The following TGFB1I1 variants were observed in gnomAD, a reference collection of about 807,000 sequenced individuals.
TGFB1I1 encodes the protein transforming growth factor beta 1 induced transcript 1, also known as transforming growth factor beta-1-induced transcript 1 protein.
In TGFB1I1, 33 loss-of-function variants were observed where a neutral mutation model predicts 52.0. The ratio of observed to expected loss-of-function variants is 0.63; its 90% CI spans 0.48 to 0.85. The LOEUF (loss-of-function observed/expected upper bound fraction) is 0.85, where lower values mean the gene tolerates loss of function less well. Ranked by LOEUF, TGFB1I1 falls within the 40% of genes least tolerant of loss-of-function variation. The pLI is 0.00. For synonymous variants in TGFB1I1, 236 were observed against 253.3 expected, an observed-to-expected ratio of 0.93 and a Z score of 0.65; for missense variants, 577 against 614.9, an observed-to-expected ratio of 0.94 and a Z score of 0.65.
In TGFB1I1 at chr16:31,474,611, G is replaced by A. The variant is rs1200992915; in HGVS notation, c.568G>A (p.Glu190Lys). The A allele has an allele frequency of 1.1e-5, 17 of 1,610,460 alleles. No homozygotes were observed. The highest frequency in any genetic ancestry group is 1.4e-5 in the Non-Finnish European group (16 of 1,177,590). Residue 190 changes from glutamate to lysine, a missense_variant, in exon 7 of 11, where the codon GAG (glutamate) becomes AAG (lysine). Coordinates refer to ENST00000394863, the MANE Select transcript of TGFB1I1 (RefSeq NM_001042454.3). The surrounding 1 kb of genome is among the most constrained non-coding windows in gnomAD (Gnocchi z 4.2). Reference protein sequence around the residue: ...TQPPVVSSTNEGSPSPPEPTG... With the variant: ...TQPPVVSSTNKGSPSPPEPTG... The stretch of plus-strand genomic sequence containing the variant: ...GCCACCGGTGGTGAGCTCCACAAAT[G>A]AGGGCTCCCCATCCCCACCAGAGCC...
Position 31,477,088 on chromosome 16 carries a change from T to C in TGFB1I1, c.1119+78T>C. On this transcript the variant is annotated intron_variant, in intron 10 of 10. Transcript: ENST00000394863. This position sits in a 1 kb window ranked among gnomAD's most constrained non-coding sequence, Gnocchi z 4.7. ...TGGGGCGGGGCCTTGGAGGGGCGGG[T>C]CAAGGGTGCAGGGCAGGGGGCGGGC... is the stretch of plus-strand genomic sequence containing the variant. The C allele has an allele frequency of 1.7e-6, 1 of 594,468 alleles. No homozygotes were observed. Among genetic ancestry groups the C allele is most frequent in the Non-Finnish European group, 2.7e-6 (1 of 366,034 alleles). The allele number at this position is 594,468 out of a possible 1,614,324, so 36.8% of individuals were successfully genotyped here.
At chr16:31,475,759 T>C (rs1331299653) in intron 7 of TGFB1I1, 1 of 429,314 alleles carries the variant, frequency 2.3e-6, no homozygotes, top group African/African-American at 2.0e-5. Flanking sequence ...AAAACGTTTT[T>C]ATGGGCCCCT....
In TGFB1I1 at chr16:31,477,474, C is replaced by CT. The variant is rs1321817747; in HGVS notation, c.1286dup (p.Thr430HisfsTer?). ...TGGGTCGCCGCTTCCACCCGGACCA[C>CT]TTCACATGCACCTTCTGCCTGCGCC... On this transcript the variant is annotated frameshift_variant, in exon 11 of 11. Coordinates refer to ENST00000394863, the MANE Select transcript of TGFB1I1 (RefSeq NM_001042454.3). LOFTEE classifies it high-confidence loss of function. This position sits in a 1 kb window ranked among gnomAD's most constrained non-coding sequence, Gnocchi z 4.7. 6.2e-7 allele frequency: 1 copy of CT among 1,604,592 alleles called. No homozygotes were observed. Among genetic ancestry groups the CT allele is most frequent in the African/African-American group, 1.3e-5 (1 of 74,716 alleles).
chr16:31,476,667 C>T lies in TGFB1I1; in HGVS notation c.970+105C>T. 1 of 1,445,500 alleles carries T rather than the reference C, an allele frequency of 6.9e-7. No individual in the cohort carries two copies. Among genetic ancestry groups the T allele is most frequent in the Non-Finnish European group, 9.5e-7 (1 of 1,057,900 alleles). 89.5% of individuals were successfully genotyped at this position (1,445,500 alleles called of 1,614,324 possible). Reference sequence around the variant, plus strand: ...CCTCAGGGCCATGGTTTTCCTTCTGCTCTCTTCTGGCCCTGCCCTCTCCTA... The same window carrying T: ...CCTCAGGGCCATGGTTTTCCTTCTGTTCTCTTCTGGCCCTGCCCTCTCCTA... On this transcript the variant is annotated intron_variant, in intron 9 of 10. Coordinates refer to ENST00000394863, the MANE Select transcript of TGFB1I1 (RefSeq NM_001042454.3). This position sits in a 1 kb window ranked among gnomAD's most constrained non-coding sequence, Gnocchi z 7.6.
At chr16:31,473,291 A>G in intron 1 of TGFB1I1, 150 bp from the exon 2 acceptor site, 1 of 1,430,272 alleles carries the variant, frequency 7.0e-7, no homozygotes, top group East Asian at 2.5e-5. Flanking sequence ...ATTCCTTGCT[A>G]CCCTTCGAGC....
Position 31,476,356 on chromosome 16 carries a change from C to G in TGFB1I1, c.889-125C>G. On this transcript the variant is annotated intron_variant, in intron 8 of 10. Coordinates refer to ENST00000394863, the MANE Select transcript of TGFB1I1 (RefSeq NM_001042454.3). This position sits in a 1 kb window ranked among gnomAD's most constrained non-coding sequence, Gnocchi z 7.6. ...CTCCACTCTTCCTTTCTGACCCCCA[C>G]GTTCCTAGTTAGATCTTCTCCCCCT... The G allele has an allele frequency of 8.1e-7, 1 of 1,231,332 alleles. No individual in the cohort carries two copies. The highest frequency in any genetic ancestry group is 1.1e-6 in the Non-Finnish European group (1 of 883,862). 76.3% of individuals were successfully genotyped at this position (1,231,332 alleles called of 1,614,324 possible). A position where few individuals can be genotyped will look rare whatever the true frequency, so the allele number is the denominator to read the frequency against.
chr16:31,477,275 C>A lies in TGFB1I1; in HGVS notation c.1120-35C>A. On this transcript the variant is annotated intron_variant, in intron 10 of 10. Coordinates refer to ENST00000394863, the MANE Select transcript of TGFB1I1 (RefSeq NM_001042454.3). The surrounding 1 kb of genome is among the most constrained non-coding windows in gnomAD (Gnocchi z 4.7). ...CGCGTTGTCTGGCAGTGGCCGCTGA[C>A]CTGTCTGTCCTCTTTCGCGGCTTCC... 6.3e-7 allele frequency: 1 copy of A among 1,575,098 alleles called. No homozygotes were observed. The highest frequency in any genetic ancestry group is 1.2e-5 in the South Asian group (1 of 85,160).
Position 31,476,807 on chromosome 16 carries a change from G to T in TGFB1I1, c.971-55G>T. ...CGGCCCCAGATCTCAGGTCTTGTGG[G>T]TCCCCCGTCCCGCCCGCACCCTTTG... On this transcript the variant is annotated intron_variant, in intron 9 of 10. Transcript: ENST00000394863. This position sits in a 1 kb window ranked among gnomAD's most constrained non-coding sequence, Gnocchi z 7.6. 6.2e-7 allele frequency: 1 copy of T among 1,604,258 alleles called. No homozygotes were observed.
Position 31,473,917 on chromosome 16 carries a change from G to C in TGFB1I1, c.265G>C (p.Gly89Arg), listed in dbSNP as rs558788092. The change falls in exon 4 of 11, where the codon GGG becomes CGG. Residue 89 changes from glycine to arginine, a missense_variant. Physicochemically the swap from Gly to Arg is moderately radical, Grantham distance 125. This residue lies in a region of TGFB1I1 where 113 missense variants were observed against 123.9 expected (regional missense o/e 0.91). Coordinates refer to ENST00000394863, the MANE Select transcript of TGFB1I1 (RefSeq NM_001042454.3). ...FSSSSGVLGT[G>R]LCELDRLLQE... Reference sequence around the variant, plus strand: ...CTCTTCCAGCGGTGTCTTGGGTACCGGGCTCTGTGAGCTAGATCGGTTGCT... The same window carrying C: ...CTCTTCCAGCGGTGTCTTGGGTACCCGGCTCTGTGAGCTAGATCGGTTGCT... The C allele has an allele frequency of 3.1e-6, 5 of 1,614,092 alleles. No individual in the cohort carries two copies. Among genetic ancestry groups the C allele is most frequent in the Non-Finnish European group, 3.4e-6 (4 of 1,180,022 alleles).
intron 7 of TGFB1I1, chr16:31,475,557 G>T (rs2097237857): frequency 6.5e-6 from 1 of 154,960 alleles, no homozygotes; most frequent in Admixed American, 6.5e-5. Context: ...CTCCCGAGTA[G>T]CTGGGACTAA....
chr16:31,476,598 G>T lies in TGFB1I1; in HGVS notation c.970+36G>T. On this transcript the variant is annotated intron_variant, in intron 9 of 10. Transcript: ENST00000394863. This position sits in a 1 kb window ranked among gnomAD's most constrained non-coding sequence, Gnocchi z 7.6. ...ACTCGACTCCCATCTTAAAAGCTGC[G>T]GGTCCCCTCGACGTCTCGCCCCAGC... The T allele has an allele frequency of 6.3e-7, 1 of 1,593,632 alleles. No homozygotes were observed. Among genetic ancestry groups the T allele is most frequent in the Non-Finnish European group, 8.6e-7 (1 of 1,169,394 alleles).
Position 31,477,057 on chromosome 16 carries a change from G to C in TGFB1I1, c.1119+47G>C. The C allele has an allele frequency of 6.6e-7, 1 of 1,513,164 alleles. No individual in the cohort carries two copies. The highest frequency in any genetic ancestry group is 1.2e-5 in the South Asian group (1 of 82,536). The allele number at this position is 1,513,164 out of a possible 1,614,324, so 93.7% of individuals were successfully genotyped here. ...GTTGGAGGGGCGGGTCAAGGGTACAGGGCTGTGGGGCGGGGCCTTGGAGGG... is the reference window on the plus strand; with the variant it reads ...GTTGGAGGGGCGGGTCAAGGGTACACGGCTGTGGGGCGGGGCCTTGGAGGG... On this transcript the variant is annotated intron_variant, in intron 10 of 10. Coordinates refer to ENST00000394863, the MANE Select transcript of TGFB1I1 (RefSeq NM_001042454.3). This position sits in a 1 kb window ranked among gnomAD's most constrained non-coding sequence, Gnocchi z 4.7.
intron 3 of TGFB1I1, 37 bp downstream of exon 3, chr16:31,473,771 G>A (rs1224239988): frequency 6.3e-7 from 1 of 1,591,416 alleles, no homozygotes; most frequent in South Asian, 1.1e-5. Flanking sequence ...GGGGCCAACT[G>A]AGTCTCAGGT....
chr16:31,473,228 T>C, intron 1 of TGFB1I1: 1 of 1,370,302 alleles, frequency 7.3e-7, no homozygotes, highest in Non-Finnish European at 9.4e-7. Context: ...ATCAGGAGGC[T>C]GGGTTTGTGC....
In TGFB1I1 at chr16:31,476,879, G is replaced by A; in HGVS notation, c.988G>A (p.Gly330Ser). Residue 330 changes from glycine to serine, a missense_variant, in exon 10 of 11, where the codon GGC becomes AGC. Coordinates refer to ENST00000394863, the MANE Select transcript of TGFB1I1 (RefSeq NM_001042454.3). This position sits in a 1 kb window ranked among gnomAD's most constrained non-coding sequence, Gnocchi z 7.6. ...TCTCCTAGGTTTCCACGAGCGCGAG[G>A]GCCGCCCCTACTGCCGCCGGGACTT... is the stretch of plus-strand genomic sequence containing the variant. ...FGDEGFHERE[G>S]RPYCRRDFLQ... The A allele has an allele frequency of 5.0e-6, 8 of 1,611,406 alleles. No individual in the cohort carries two copies. The highest frequency in any genetic ancestry group is 5.9e-6 in the Non-Finnish European group (7 of 1,179,824).
At chr16:31,473,627 C>G in intron 2 of TGFB1I1, 55 bp from the exon 3 acceptor site, 1 of 1,601,282 alleles carries the variant, frequency 6.2e-7, no homozygotes, top group Non-Finnish European at 8.5e-7. Flanking sequence ...GGATCTCAGC[C>G]TCAGTGGGGC....
chr16:31,477,759 C>T lies in TGFB1I1; in HGVS notation c.*183C>T, dbSNP rs1053473243. ...CGGCCCAGCCAGACCTAAACCCACA[C>T]GCCCACAAAGTGGATTGCACACAGA... On this transcript the variant is annotated 3_prime_UTR_variant, in exon 11 of 11. Coordinates refer to ENST00000394863, the MANE Select transcript of TGFB1I1 (RefSeq NM_001042454.3). The surrounding 1 kb of genome is among the most constrained non-coding windows in gnomAD (Gnocchi z 4.7). 2.6e-6 allele frequency: 2 copies of T among 769,990 alleles called. No homozygotes were observed. The highest frequency in any genetic ancestry group is 2.8e-5 in the East Asian group (1 of 35,856). 47.7% of individuals were successfully genotyped at this position (769,990 alleles called of 1,614,324 possible). A position where few individuals can be genotyped will look rare whatever the true frequency, so the allele number is the denominator to read the frequency against.
chr16:31,476,007 C>T lies in TGFB1I1; in HGVS notation c.715-5C>T, dbSNP rs763859108. 65 of 1,609,986 alleles carry T rather than the reference C, an allele frequency of 4.0e-5. No individual in the cohort carries two copies. The highest frequency in any genetic ancestry group is 5.3e-5 in the Non-Finnish European group (63 of 1,178,922). The stretch of plus-strand genomic sequence containing the variant: ...GCTCTGACCCGCCTCACCTCCCACT[C>T]GCAGGTGGTGACGGCTCTGGGCCGC... On this transcript the variant is annotated splice_polypyrimidine_tract_variant and splice_region_variant and intron_variant, in intron 7 of 10. Coordinates refer to ENST00000394863, the MANE Select transcript of TGFB1I1 (RefSeq NM_001042454.3). The surrounding 1 kb of genome is among the most constrained non-coding windows in gnomAD (Gnocchi z 7.6).
chr16:31,476,684 C>T lies in TGFB1I1; in HGVS notation c.970+122C>T, dbSNP rs2082426144. On this transcript the variant is annotated intron_variant, in intron 9 of 10. Coordinates refer to ENST00000394863, the MANE Select transcript of TGFB1I1 (RefSeq NM_001042454.3). The surrounding 1 kb of genome is among the most constrained non-coding windows in gnomAD (Gnocchi z 7.6). ...TCCTTCTGCTCTCTTCTGGCCCTGCCCTCTCCTACACAGACTCCGGACCCG... is the reference window on the plus strand; with the variant it reads ...TCCTTCTGCTCTCTTCTGGCCCTGCTCTCTCCTACACAGACTCCGGACCCG... 6 of 1,425,200 alleles carry T rather than the reference C, an allele frequency of 4.2e-6. No homozygotes were observed. The Admixed American group carries it at 1.2e-4, about 29-fold the overall frequency. The allele number at this position is 1,425,200 out of a possible 1,614,324, so 88.3% of individuals were successfully genotyped here. A position where few individuals can be genotyped will look rare whatever the true frequency, so the allele number is the denominator to read the frequency against.
Sources: gnomAD v4.1 joint callset for allele counts on GRCh38, gnomAD v4.1.1 for gene constraint, gnomAD v4.1.1 regional missense constraint, Gnocchi (gnomAD v3.1) non-coding constraint, MANE v1.5 for transcripts, NCBI Gene and HGNC (gene_info 2026-07-23, HGNC 2026-07-21) for gene names.